Variants in KDM2B observed in about 807,000 individuals in gnomAD.
KDM2B encodes the protein lysine demethylase 2B.
In KDM2B, 26 loss-of-function variants were observed where a neutral mutation model predicts 150.0. That is an observed-to-expected ratio of 0.17 (90% CI 0.13 to 0.24). The LOEUF (loss-of-function observed/expected upper bound fraction) is 0.24. Among genes scored for constraint, KDM2B ranks in the 10% least tolerant of loss-of-function variants. KDM2B has a pLI of 1.00. For missense variants in KDM2B, 1,265 were observed against 1,816.9 expected, an observed-to-expected ratio of 0.70 and a Z score of 5.52; for synonymous variants, 734 against 729.5, an observed-to-expected ratio of 1.01 and a Z score of -0.10.
chr12:121,560,410 A>C (rs1307988496), intron 4 of KDM2B, among the ~76,000 whole-genome samples: 2 of 152,094 alleles, frequency 1.3e-5, no homozygotes, highest in Non-Finnish European at 2.9e-5. Flanking sequence ...CTTCAAACAG[A>C]AGCTTTGATG....
rs375460502 is a variant in KDM2B, at chr12:121,549,008, C to T, written c.577-25G>A. The T allele has an allele frequency of 3.2e-6, 5 of 1,576,288 alleles. No homozygotes were observed. In the African/African-American group the frequency reaches 5.4e-5, roughly 17 times the overall value. On this transcript the variant is annotated intron_variant, in intron 5 of 22. Coordinates refer to ENST00000377071, the MANE Select transcript of KDM2B (RefSeq NM_032590.5). This position sits in a 1 kb window ranked among gnomAD's most constrained non-coding sequence, Gnocchi z 4.4. ...CCTGAAAGCCAGACCAGTGTGAGCACTGCATTTCTCCACTGCCGAGCCAGA... is the reference window on the plus strand; with the variant it reads ...CCTGAAAGCCAGACCAGTGTGAGCATTGCATTTCTCCACTGCCGAGCCAGA...
At chr12:121,485,089 C>T (rs1258685267) in intron 12 of KDM2B, among the ~76,000 whole-genome samples, 2 of 152,138 alleles carry the variant, frequency 1.3e-5, no homozygotes, top group Non-Finnish European at 2.9e-5. Context: ...CCTCCCACAG[C>T]CCCAGATGGA....
rs1945887625 is a variant in KDM2B at position 121,467,081 on chromosome 12, C to A, written c.1735-13737G>T. 11 of 867,044 alleles carry A rather than the reference C, an allele frequency of 1.3e-5. No individual in the cohort carries two copies. The highest frequency in any genetic ancestry group is 1.6e-5 in the Non-Finnish European group (11 of 694,586). The allele number at this position is 867,044 out of a possible 1,614,324, so 53.7% of individuals were successfully genotyped here. On this transcript the variant is annotated intron_variant, in intron 12 of 22. Coordinates refer to ENST00000377071, the MANE Select transcript of KDM2B (RefSeq NM_032590.5). This position sits in a 1 kb window ranked among gnomAD's most constrained non-coding sequence, Gnocchi z 5.1. ...ATCGCGGCGGCGGCGGCGTCGCGGC[C>A]GCCCTCGGCGCGTCAGACAGGCGGT...
chr12:121,494,482 G>T, intron 12 of KDM2B, 97 bp downstream of exon 12: 2 of 775,922 alleles, frequency 2.6e-6, no homozygotes, highest in Non-Finnish European at 2.2e-6. Flanking sequence ...CATCTCAGGA[G>T]GCCCCATAGC....
chr12:121,497,931 A>T (rs1884149222), intron 11 of KDM2B, among the ~76,000 whole-genome samples: 1 of 151,924 alleles, frequency 6.6e-6, no homozygotes, highest in African/African-American at 2.4e-5. Context: ...CCCCATCACT[A>T]CTAAAACTAC....
At chr12:121,428,686 T>C (rs1555284622), downstream of KDM2B, among the ~76,000 whole-genome samples, 7 of 152,236 alleles carry the variant, frequency 4.6e-5, no homozygotes, top group Admixed American at 3.9e-4. Context: ...CAGGGTCCTG[T>C]CTTTAAAAAA....
rs782784440 is a variant in KDM2B at position 121,578,943 on chromosome 12, G to A, written c.130C>T (p.Pro44Ser). 3.7e-6 allele frequency: 6 copies of A among 1,611,626 alleles called. No homozygotes were observed. The highest frequency in any genetic ancestry group is 3.3e-5 in the Admixed American group (2 of 59,920). The stretch of plus-strand genomic sequence containing the variant: ...TCGTCGTATCGCTGGCGGTCAATCG[G>A]GCGCTGCGAGGACCCAAACCAGAGA... ...CFEFESATQR[P>S]IDRQRYDENE... The change falls in exon 2 of 23, where the codon CCG (proline) becomes TCG (serine). Residue 44 changes from proline to serine, a missense_variant. This residue lies in a region of KDM2B where 53 missense variants were observed against 56.0 expected (regional missense o/e 0.95). Coordinates refer to ENST00000377071, the MANE Select transcript of KDM2B (RefSeq NM_032590.5).
At chr12:121,579,207 C>A (rs1403680522) in intron 1 of KDM2B, among the ~76,000 whole-genome samples, 3 of 152,274 alleles carry the variant, frequency 2.0e-5, no homozygotes, top group African/African-American at 7.2e-5. Context: ...CATCTGGGGA[C>A]CCTCCCCTGC....
chr12:121,475,876 A>AT (rs1295726356), intron 12 of KDM2B, among the ~76,000 whole-genome samples: 5 of 151,402 alleles, frequency 3.3e-5, no homozygotes, highest in Admixed American at 6.6e-5. Context: ...CTCAAGAGAG[A>AT]TTTTAGGCCA....
intron 11 of KDM2B, among the ~76,000 whole-genome samples, chr12:121,505,056 G>C (rs1884931552): frequency 6.6e-6 from 1 of 150,534 alleles, no homozygotes; most frequent in South Asian, 2.1e-4. Context: ...GGCAGAGCTT[G>C]CAGTGAGCCG....
At chr12:121,420,209 C>G in the KDM2B span, 6 of 1,600,016 alleles carry the variant, frequency 3.7e-6, no homozygotes, top group Non-Finnish European at 5.1e-6. Context: ...CAGATTGATT[C>G]CTGACCTAAT....
intron 12 of KDM2B, among the ~76,000 whole-genome samples, chr12:121,461,511 G>C (rs782657019): frequency 2.0e-5 from 3 of 152,106 alleles, no homozygotes; most frequent in African/African-American, 2.4e-5. Context: ...AAGAGGAGGG[G>C]ATGATTCAGG....
At chr12:121,455,977 G>C (rs797037533) in intron 12 of KDM2B, among the ~76,000 whole-genome samples, 2 of 152,368 alleles carry the variant, frequency 1.3e-5, no homozygotes, top group Non-Finnish European at 2.9e-5. Context: ...GCTAAGGACC[G>C]AGATGACGGC....
Position 121,518,410 on chromosome 12 carries a change from CA to C in KDM2B, c.1047+2574del, listed in dbSNP as rs1566368217. Among the ~76,000 whole-genome samples, 1 of 152,178 alleles carries C rather than the reference CA, an allele frequency of 6.6e-6. No individual in the cohort carries two copies. The highest frequency in any genetic ancestry group is 1.5e-5 in the Non-Finnish European group (1 of 68,038). On this transcript the variant is annotated intron_variant, in intron 9 of 22. Transcript: ENST00000377071. This position sits in a 1 kb window ranked among gnomAD's most constrained non-coding sequence, Gnocchi z 4.4. ...AGACCAGAAATCAAGGCAGATTAAA[CA>C]ACCTGCCGCTGCTCCCAGCCCAGTC...
chr12:121,484,572 C>T (rs1195379973), intron 12 of KDM2B, among the ~76,000 whole-genome samples: 2 of 152,104 alleles, frequency 1.3e-5, no homozygotes, highest in African/African-American at 4.8e-5. Context: ...AGTCCTAGCA[C>T]TTTGGGAGGT....
At chr12:121,578,660 C>CCCCCA in intron 2 of KDM2B, 142 bp downstream of exon 2, 6 of 321,028 alleles carry the variant, frequency 1.9e-5, no homozygotes, top group Non-Finnish European at 3.4e-5. Context: ...CCCCACCCCC[C>CCCCCA]CAGTGCTCGG....
chr12:121,450,374 A>G (rs967394309), intron 13 of KDM2B, among the ~76,000 whole-genome samples: 6 of 152,170 alleles, frequency 3.9e-5, no homozygotes, highest in African/African-American at 1.4e-4. Context: ...AAAACGGGCT[A>G]AGGACTCAGA....
chr12:121,479,944 G>T (rs1555297552), intron 12 of KDM2B, among the ~76,000 whole-genome samples: 2 of 151,864 alleles, frequency 1.3e-5, no homozygotes, highest in Non-Finnish European at 1.5e-5. Flanking sequence ...AAGAGACAGG[G>T]TCTTGCTGTT....
chr12:121,417,207 GCT>G, the KDM2B span, among the ~76,000 whole-genome samples: 1 of 152,216 alleles, frequency 6.6e-6, no homozygotes, highest in Non-Finnish European at 1.5e-5. This position sits in a 1 kb window ranked among gnomAD's most constrained non-coding sequence, Gnocchi z 5.0. Flanking sequence ...TGTGGTTCAA[GCT>G]CTGTTTTGTT....
Sources: allele counts gnomAD v4.1 joint callset (sites outside exome capture counted in the v4.1 genomes callset), GRCh38; gene constraint gnomAD v4.1.1; regional missense constraint gnomAD v4.1.1; non-coding constraint Gnocchi (gnomAD v3.1); transcripts MANE v1.5; gene names NCBI Gene and HGNC (gene_info 2026-07-23, HGNC 2026-07-21).